STAT4: variants seen among roughly 807,000 people sequenced by gnomAD.
STAT4 encodes signal transducer and activator of transcription 4.
STAT4 carries 42 observed loss-of-function variants against 110.5 expected under a neutral mutation model. The ratio of observed to expected loss-of-function variants is 0.38; its 90% confidence interval spans 0.30 to 0.49. The LOEUF (loss-of-function observed/expected upper bound fraction) is 0.49. Among genes scored for constraint, STAT4 ranks in the 20% least tolerant of loss-of-function variants. The pLI is 0.95. For synonymous variants in STAT4, 284 were observed against 302.2 expected (o/e 0.94, Z 0.63); for missense variants, 632 against 887.9 (o/e 0.71, Z 3.66).
In STAT4 at chr2:191,031,313, G is replaced by A. The variant is rs556487796; in HGVS notation, c.2111+137C>T. The A allele has an allele frequency of 7.9e-6, 8 of 1,012,906 alleles. No individual in the cohort carries two copies. The Admixed American group carries it at 2.2e-4, about 28-fold the overall frequency. The allele number at this position is 1,012,906 out of a possible 1,614,324, so 62.7% of individuals were successfully genotyped here. A position where few individuals can be genotyped will look rare whatever the true frequency, so the allele number is the denominator to read the frequency against. On this transcript the variant is annotated intron_variant, in intron 22 of 23. Coordinates refer to ENST00000392320, the MANE Select transcript of STAT4 (RefSeq NM_003151.4). This position sits in a 1 kb window ranked among gnomAD's most constrained non-coding sequence, Gnocchi z 4.8. ...TGTGGTAAGTGTGCCCTGAAGGCTAGCCTTATGTATTAAAGGAAATGGGAC... is the reference window on the plus strand; with the variant it reads ...TGTGGTAAGTGTGCCCTGAAGGCTAACCTTATGTATTAAAGGAAATGGGAC...
chr2:191,064,689 C>A (rs1363739690), intron 8 of STAT4, 118 bp downstream of exon 8: 10 of 1,218,782 alleles, frequency 8.2e-6, no homozygotes, highest in South Asian at 1.6e-5. Flanking sequence ...TGCTAATAAG[C>A]CATCAATAAA....
chr2:191,080,782 T>C (rs568192350), intron 3 of STAT4, among the ~76,000 whole-genome samples: 2 of 152,298 alleles, frequency 1.3e-5, no homozygotes, highest in African/African-American at 4.8e-5. Flanking sequence ...TAATCAGTCG[T>C]CTGTCACCAC....
chr2:191,132,706 T>C (rs1699068640), intron 3 of STAT4, among the ~76,000 whole-genome samples: 2 of 151,558 alleles, frequency 1.3e-5, no homozygotes, highest in African/African-American at 4.9e-5. Flanking sequence ...GACAACTGCC[T>C]AGAAGTGAAA....
intron 5 of STAT4, 75 bp downstream of exon 5, chr2:191,073,023 G>T: frequency 8.3e-7 from 1 of 1,200,124 alleles, no homozygotes; most frequent in Non-Finnish European, 1.2e-6. Context: ...TTAACTTTGG[G>T]TGCATGGGAG....
intron 14 of STAT4, among the ~76,000 whole-genome samples, chr2:191,047,605 A>G (rs1696385189): frequency 6.6e-6 from 1 of 152,174 alleles, no homozygotes; most frequent in African/African-American, 2.4e-5. Flanking sequence ...AAGAGTAGAA[A>G]AAAGTTTAGT....
Position 191,135,508 on chromosome 2 carries a change from C to G in STAT4, c.273+11105G>C, listed in dbSNP as rs1357638770. Among the ~76,000 whole-genome samples the G allele has an allele frequency of 6.6e-6, 1 of 152,204 alleles. No homozygotes were observed. The highest frequency in any genetic ancestry group is 1.5e-5 in the Non-Finnish European group (1 of 68,042). On this transcript the variant is annotated intron_variant, in intron 3 of 23. Coordinates refer to ENST00000392320, the MANE Select transcript of STAT4 (RefSeq NM_003151.4). The surrounding 1 kb of genome is among the most constrained non-coding windows in gnomAD (Gnocchi z 4.8). ...TGTTTGTTTGAGATGGAGTCTCACT[C>G]TGTCGCCCAGGCTGGAGTGCAGTGG... is the stretch of plus-strand genomic sequence containing the variant.
intron 13 of STAT4, 57 bp downstream of exon 13, chr2:191,057,961 T>G: frequency 7.1e-7 from 1 of 1,399,712 alleles, no homozygotes. Context: ...GGCGTATTAG[T>G]AAAGATGTCT....
At chr2:191,041,638 T>C (rs1214251579) in intron 14 of STAT4, 3 of 152,234 alleles carry the variant, frequency 2.0e-5, no homozygotes, top group Non-Finnish European at 4.4e-5. Context: ...AATAAGGTAA[T>C]AGCTGGAGTT....
intron 3 of STAT4, among the ~76,000 whole-genome samples, chr2:191,126,814 T>C (rs966691776): frequency 8.5e-5 from 13 of 152,322 alleles, no homozygotes; most frequent in African/African-American, 2.9e-4. Context: ...CACCTTGGTA[T>C]ATTACAGCTA....
intron 14 of STAT4, among the ~76,000 whole-genome samples, chr2:191,045,214 A>G (rs972672952): frequency 6.6e-6 from 1 of 152,222 alleles, no homozygotes; most frequent in Non-Finnish European, 1.5e-5. Flanking sequence ...GGAGTTTGAC[A>G]TAGAAAGAAG....
chr2:191,047,481 T>C (rs1696382638), intron 14 of STAT4, among the ~76,000 whole-genome samples: 1 of 151,590 alleles, frequency 6.6e-6, no homozygotes, highest in African/African-American at 2.4e-5. Context: ...AGGTAAAGAG[T>C]GTTAGAATTG....
At chr2:191,109,759 C>T (rs1181294551) in intron 3 of STAT4, among the ~76,000 whole-genome samples, 14 of 152,144 alleles carry the variant, frequency 9.2e-5, no homozygotes, top group Admixed American at 9.2e-4. Context: ...ATGTCTATCC[C>T]TCAAAATGAA....
rs1384361701 is a variant in STAT4 at position 191,140,317 on chromosome 2, C to T, written c.273+6296G>A. Among the ~76,000 whole-genome samples, 1 of 152,108 alleles carries T rather than the reference C, an allele frequency of 6.6e-6. No individual in the cohort carries two copies. The highest frequency in any genetic ancestry group is 6.5e-5 in the Admixed American group (1 of 15,272). ...AGCCAAGTAAACAGACAACCCACAG[C>T]GTGGGAGAAAATATTTGCAAGCTAT... is the stretch of plus-strand genomic sequence containing the variant. On this transcript the variant is annotated intron_variant, in intron 3 of 23. Transcript: ENST00000392320. The surrounding 1 kb of genome is among the most constrained non-coding windows in gnomAD (Gnocchi z 4.4).
Position 191,144,464 on chromosome 2 carries a change from C to A in STAT4, c.273+2149G>T, listed in dbSNP as rs541087147. ...ACGTGTTCAGGAACAAGTAGTAGATCTATTTTTCTGAGGTAGGGATGTGGA... is the reference window on the plus strand; with the variant it reads ...ACGTGTTCAGGAACAAGTAGTAGATATATTTTTCTGAGGTAGGGATGTGGA... On this transcript the variant is annotated intron_variant, in intron 3 of 23. Coordinates refer to ENST00000392320, the MANE Select transcript of STAT4 (RefSeq NM_003151.4). This position sits in a 1 kb window ranked among gnomAD's most constrained non-coding sequence, Gnocchi z 4.7. 6.6e-6 allele frequency among the ~76,000 whole-genome samples: 1 copy of A among 152,036 alleles called. No individual in the cohort carries two copies. Among genetic ancestry groups the A allele is most frequent in the East Asian group, 1.9e-4 (1 of 5,158 alleles).
At chr2:191,139,940 A>C (rs545045771) in intron 3 of STAT4, among the ~76,000 whole-genome samples, 78 of 152,336 alleles carry the variant, frequency 5.1e-4, no homozygotes, top group Non-Finnish European at 7.4e-5. Context: ...AGAACCCAGA[A>C]ACAAAGGCAA....
chr2:191,067,093 G>A (rs1009967698), intron 6 of STAT4, among the ~76,000 whole-genome samples: 3 of 146,036 alleles, frequency 2.1e-5, no homozygotes, highest in African/African-American at 7.6e-5. Flanking sequence ...TCGCCTCATC[G>A]TAAAACTAGC....
intron 14 of STAT4, among the ~76,000 whole-genome samples, chr2:191,049,488 T>C (rs1254766394): frequency 6.6e-6 from 1 of 152,130 alleles, no homozygotes; most frequent in Non-Finnish European, 1.5e-5. Context: ...CAAATGGTAA[T>C]AGCTTTTAAC....
At chr2:191,063,115 C>A (rs966063843) in intron 8 of STAT4, among the ~76,000 whole-genome samples, 195 bp from the exon 9 acceptor site, 1 of 151,950 alleles carries the variant, frequency 6.6e-6, no homozygotes, top group African/African-American at 2.4e-5. Flanking sequence ...CTTGAATATG[C>A]ATATGTTAAA....
chr2:191,029,603 G>A lies in STAT4; in HGVS notation c.*237C>T. 1 of 513,274 alleles carries A rather than the reference G, an allele frequency of 1.9e-6. No homozygotes were observed. Among genetic ancestry groups the A allele is most frequent in the Non-Finnish European group, 3.4e-6 (1 of 296,086 alleles). The allele number at this position is 513,274 out of a possible 1,614,324, so 31.8% of individuals were successfully genotyped here. On this transcript the variant is annotated 3_prime_UTR_variant, in exon 24 of 24. Coordinates refer to ENST00000392320, the MANE Select transcript of STAT4 (RefSeq NM_003151.4). This position sits in a 1 kb window ranked among gnomAD's most constrained non-coding sequence, Gnocchi z 4.5. Reference sequence around the variant, plus strand: ...TTCTGTTAATATTGTTATTAACACTGGTTTCTTAAAGTTGTCTTATCTTGC... The same window carrying A: ...TTCTGTTAATATTGTTATTAACACTAGTTTCTTAAAGTTGTCTTATCTTGC...
Sources: gnomAD v4.1 joint callset for allele counts (sites outside exome capture counted in the v4.1 genomes callset) on GRCh38, gnomAD v4.1.1 for gene constraint, Gnocchi (gnomAD v3.1) non-coding constraint, MANE v1.5 for transcripts, NCBI Gene and HGNC (gene_info 2026-07-23, HGNC 2026-07-21) for gene names.